KCTD16: variants seen among roughly 807,000 people sequenced by gnomAD.
The protein encoded by KCTD16 is BTB/POZ domain-containing protein KCTD16.
Under a neutral mutation model 33.2 loss-of-function variants are expected in KCTD16, and 13 were observed. The observed-to-expected ratio is 0.39, with a 90% CI of 0.25 to 0.62. The LOEUF (loss-of-function observed/expected upper bound fraction) is 0.62. Among genes scored for constraint, KCTD16 ranks in the 20% least tolerant of loss-of-function variants. KCTD16 has a pLI of 0.50. For synonymous variants in KCTD16, 197 were observed against 195.3 expected (o/e 1.01, Z -0.07); for missense variants, 441 against 525.1 (o/e 0.84, Z 1.57).
At chr5:144,358,018 G>T (rs1751610979) in intron 3 of KCTD16, among the ~76,000 whole-genome samples, 1 of 151,810 alleles carries the variant, frequency 6.6e-6, no homozygotes, top group African/African-American at 2.4e-5. Context: ...TGAAGTCTTG[G>T]GTTCAAGTGT....
At chr5:144,343,162 C>G (rs941670691) in intron 3 of KCTD16, among the ~76,000 whole-genome samples, 6 of 152,124 alleles carry the variant, frequency 3.9e-5, no homozygotes, top group African/African-American at 7.2e-5. Context: ...GATACCAGTT[C>G]CTCCTTGTAC....
At chr5:144,233,215 AGG>A (rs577287354) in intron 3 of KCTD16, among the ~76,000 whole-genome samples, 4 of 152,162 alleles carry the variant, frequency 2.6e-5, no homozygotes, top group Non-Finnish European at 4.4e-5. Context: ...AAATAAAAAA[AGG>A]GTCTTCCATC....
chr5:144,310,913 A>T (rs904036135), intron 3 of KCTD16, among the ~76,000 whole-genome samples: 3 of 152,170 alleles, frequency 2.0e-5, no homozygotes, highest in Admixed American at 1.3e-4. Context: ...GAGGAGCGGG[A>T]AAATACATTA....
chr5:144,248,529 A>G (rs1370938805), intron 3 of KCTD16, among the ~76,000 whole-genome samples: 1 of 152,196 alleles, frequency 6.6e-6, no homozygotes, highest in Non-Finnish European at 1.5e-5. Flanking sequence ...ACAAGAAAGA[A>G]TATTATCTGA....
intron 3 of KCTD16, among the ~76,000 whole-genome samples, chr5:144,274,744 T>C (rs2126849770): frequency 6.6e-6 from 1 of 152,302 alleles, no homozygotes; most frequent in African/African-American, 2.4e-5. Flanking sequence ...TGTTCTTTTC[T>C]TATAATGAAC....
At chr5:144,200,932 G>C (rs1202489432) in intron 2 of KCTD16, among the ~76,000 whole-genome samples, 1 of 152,170 alleles carries the variant, frequency 6.6e-6, no homozygotes, top group East Asian at 1.9e-4. Context: ...TATTTTTGTA[G>C]AGACAGGGTC....
In KCTD16 at chr5:144,207,371, A is replaced by G. The variant is rs1051368863; in HGVS notation, c.657A>G (p.Pro219=). The G allele has an allele frequency of 1.9e-6, 3 of 1,614,206 alleles. No individual in the cohort carries two copies. Among genetic ancestry groups the G allele is most frequent in the Non-Finnish European group, 1.7e-6 (2 of 1,180,042 alleles). ...LNESRDPDRA[P]ERYTSRFYLK... is the part of the protein sequence containing the mutation. ...AAAGCAGAGACCCTGATCGAGCCCC[A>G]GAAAGATACACCTCCAGATTTTATC... The change falls in exon 3 of 4, where the codon CCA becomes CCG. Residue 219 remains proline, a synonymous_variant. Transcript: ENST00000512467.
intron 3 of KCTD16, among the ~76,000 whole-genome samples, chr5:144,338,989 A>T (rs1265962592): frequency 2.0e-5 from 3 of 152,184 alleles, no homozygotes; most frequent in Non-Finnish European, 4.4e-5. Context: ...AGACTGTCTT[A>T]ATTTATCCAT....
chr5:144,213,346 T>C (rs953595718), intron 3 of KCTD16, among the ~76,000 whole-genome samples: 2 of 152,030 alleles, frequency 1.3e-5, no homozygotes, highest in African/African-American at 2.4e-5. Context: ...TTCCCTTTTC[T>C]CTCTCTCTTT....
intron 3 of KCTD16, among the ~76,000 whole-genome samples, chr5:144,219,905 G>A (rs1753688250): frequency 1.3e-5 from 2 of 152,142 alleles, no homozygotes; most frequent in South Asian, 4.1e-4. Context: ...TTAGAGTGAT[G>A]CTGCCTGCTG....
chr5:144,465,036 C>A (rs1754289421), intron 3 of KCTD16, among the ~76,000 whole-genome samples: 1 of 152,020 alleles, frequency 6.6e-6, no homozygotes, highest in Non-Finnish European at 1.5e-5. Context: ...ACCTATTTGC[C>A]CTAGAAGGTA....
intron 3 of KCTD16, among the ~76,000 whole-genome samples, chr5:144,300,711 G>A (rs1293183012): frequency 6.6e-6 from 1 of 152,080 alleles, no homozygotes; most frequent in Non-Finnish European, 1.5e-5. Flanking sequence ...ACTCATAATT[G>A]ATATACAATG....
chr5:144,352,921 G>T (rs1441430184), intron 3 of KCTD16, among the ~76,000 whole-genome samples: 2 of 152,154 alleles, frequency 1.3e-5, no homozygotes, highest in Non-Finnish European at 2.9e-5. Context: ...CAAGCCGTCT[G>T]CTTATAAATA....
intron 3 of KCTD16, among the ~76,000 whole-genome samples, chr5:144,257,124 C>T (rs148309663): frequency 4.2e-4 from 64 of 152,284 alleles, no homozygotes; most frequent in African/African-American, 1.5e-3. Context: ...TCCCTACTAA[C>T]TGGTGAGTTT....
At chr5:144,358,296 T>G (rs1456300937) in intron 3 of KCTD16, among the ~76,000 whole-genome samples, 3 of 151,946 alleles carry the variant, frequency 2.0e-5, no homozygotes, top group Non-Finnish European at 4.4e-5. Context: ...AAAATGGAAT[T>G]TATAGGGATT....
At chr5:144,332,581 C>G (rs1233884960) in intron 3 of KCTD16, among the ~76,000 whole-genome samples, 5 of 152,198 alleles carry the variant, frequency 3.3e-5, no homozygotes, top group Admixed American at 2.6e-4. Context: ...AGTCTACACA[C>G]TGGCTGACAA....
intron 3 of KCTD16, among the ~76,000 whole-genome samples, chr5:144,235,576 G>T (rs1754228997): frequency 1.3e-5 from 2 of 152,160 alleles, no homozygotes; most frequent in South Asian, 4.1e-4. Context: ...TTGCTGAGAA[G>T]GTTAAATGAA....
At chr5:144,208,145 C>G (rs904452709) in intron 3 of KCTD16, among the ~76,000 whole-genome samples, 7 of 152,198 alleles carry the variant, frequency 4.6e-5, no homozygotes, top group Non-Finnish European at 8.8e-5. Flanking sequence ...GCCTTTTGTA[C>G]TGAGACCTGA....
intron 3 of KCTD16, among the ~76,000 whole-genome samples, chr5:144,464,138 T>C (rs1580984446): frequency 6.6e-6 from 1 of 152,216 alleles, no homozygotes; most frequent in Non-Finnish European, 1.5e-5. Flanking sequence ...TTGGAAGTTA[T>C]TGTGAATATA....
Sources: gnomAD v4.1 joint callset for allele counts (sites outside exome capture counted in the v4.1 genomes callset) on GRCh38, gnomAD v4.1.1 for gene constraint, MANE v1.5 for transcripts, NCBI Gene and HGNC (gene_info 2026-07-23, HGNC 2026-07-21) for gene names.